The following NEFL variants were observed in gnomAD, a reference collection of about 807,000 sequenced individuals.
NEFL encodes the protein neurofilament light polypeptide.
NEFL carries 36 observed loss-of-function variants against 51.6 expected under a neutral mutation model. The observed-to-expected ratio is 0.70, with a 90% CI of 0.53 to 0.92. The LOEUF (loss-of-function observed/expected upper bound fraction) is 0.92. NEFL is among the 40% of genes least tolerant of loss of function. The pLI is 0.00. For synonymous variants in NEFL, 332 were observed against 302.5 expected, an observed-to-expected ratio of 1.10 and a Z score of -1.01; for missense variants, 671 against 722.0, an observed-to-expected ratio of 0.93 and a Z score of 0.81.
In NEFL at chr8:24,954,100, T is replaced by G; in HGVS notation, c.1169+81A>C. 6 of 1,581,912 alleles carry G rather than the reference T, an allele frequency of 3.8e-6. No homozygotes were observed. In the South Asian group the frequency reaches 5.8e-5, roughly 15 times the overall value. On this transcript the variant is annotated intron_variant, in intron 2 of 3. Transcript: ENST00000610854. ...TTCAAAAGGACTATTATTGAAGGTT[T>G]CTGATCCAACATAACTTTAAATGGG...
rs1803048212 is a variant in NEFL, at chr8:24,956,030, G to A, written c.486C>T (p.Gly162=). 1 of 1,604,058 alleles carries A rather than the reference G, an allele frequency of 6.2e-7. No homozygotes were observed. The highest frequency in any genetic ancestry group is 8.5e-7 in the Non-Finnish European group (1 of 1,178,882). ...GGGTCTCCTCCAGCCCTTCGCGCTCGCCCTGGAGCGCCTGCTTCTCGTTGG... is the reference window on the plus strand; with the variant it reads ...GGGTCTCCTCCAGCCCTTCGCGCTCACCCTGGAGCGCCTGCTTCTCGTTGG... ...DATNEKQALQ[G]EREGLEETLR... Residue 162 remains glycine (G), a synonymous_variant, in exon 1 of 4, where the codon GGC becomes GGT. Coordinates refer to ENST00000610854, the MANE Select transcript of NEFL (RefSeq NM_006158.5). The surrounding 1 kb of genome is among the most constrained non-coding windows in gnomAD (Gnocchi z 5.9).
intron 3 of NEFL, 77 bp from the exon 4 acceptor site, chr8:24,953,029 T>C: frequency 6.7e-7 from 1 of 1,487,854 alleles, no homozygotes; most frequent in Admixed American, 2.3e-5. Flanking sequence ...AAGGTTTTAT[T>C]TGCAAACACA....
chr8:24,955,419 C>T lies in NEFL; in HGVS notation c.1044+53G>A. On this transcript the variant is annotated intron_variant, in intron 1 of 3. Transcript: ENST00000610854. The surrounding 1 kb of genome is among the most constrained non-coding windows in gnomAD (Gnocchi z 4.0). ...GGTCTCCACTTTCTGGGCGCACCAA[C>T]TCCCCCCCTTGCTCGAGTCCCCCGC... The T allele has an allele frequency of 7.2e-7, 1 of 1,395,296 alleles. No homozygotes were observed. The highest frequency in any genetic ancestry group is 1.4e-5 in the South Asian group (1 of 73,874). The allele number at this position is 1,395,296 out of a possible 1,614,324, so 86.4% of individuals were successfully genotyped here.
At chr8:24,954,893 A>G (rs1803022185) in intron 1 of NEFL, among the ~76,000 whole-genome samples, 1 of 146,640 alleles carries the variant, frequency 6.8e-6, no homozygotes, top group Admixed American at 7.1e-5. Flanking sequence ...ATGTTGTAGA[A>G]GATTTTACAC....
rs574230990 is a variant in NEFL at position 24,955,964 on chromosome 8, G to A, written c.552C>T (p.Ser184=). Residue 184 remains serine (S), a synonymous_variant, in exon 1 of 4, where the codon AGC becomes AGT. Coordinates refer to ENST00000610854, the MANE Select transcript of NEFL (RefSeq NM_006158.5). This position sits in a 1 kb window ranked among gnomAD's most constrained non-coding sequence, Gnocchi z 4.0. ...TCAGCCGGCCCTCGGCGTCCTCGCG[G>A]CTCAGCACCTCCTCTTCATAGCGCG... ...LQARYEEEVL[S]REDAEGRLME... 58 of 1,602,756 alleles carry A rather than the reference G, an allele frequency of 3.6e-5. 1 individual carries two copies. The South Asian group carries it at 6.3e-4, about 17-fold the overall frequency.
At position 24,952,737 on chromosome 8, in the gene NEFL, G is replaced by T. The variant is rs907332450; in HGVS notation, c.*73C>A. The stretch of plus-strand genomic sequence containing the variant: ...TTCACATAGAATCTGGAACTCAACT[G>T]GTTGGTTGGTTGGTGATGGGGTTGA... On this transcript the variant is annotated 3_prime_UTR_variant, in exon 4 of 4. Coordinates refer to ENST00000610854, the MANE Select transcript of NEFL (RefSeq NM_006158.5). The T allele has an allele frequency of 6.2e-7, 1 of 1,605,254 alleles. No individual in the cohort carries two copies. Among genetic ancestry groups the T allele is most frequent in the Non-Finnish European group, 8.5e-7 (1 of 1,174,624 alleles).
At position 24,951,970 on chromosome 8, in the gene NEFL, A is replaced by T. The variant is rs891924180; in HGVS notation, c.*840T>A. The T allele has an allele frequency of 4.3e-4, 66 of 152,324 alleles. No individual in the cohort carries two copies. The highest frequency in any genetic ancestry group is 1.4e-3 in the African/African-American group (59 of 41,446). 9.4% of individuals were successfully genotyped at this position (152,324 alleles called of 1,614,324 possible). A position where few individuals can be genotyped will look rare whatever the true frequency, so the allele number is the denominator to read the frequency against. On this transcript the variant is annotated 3_prime_UTR_variant, in exon 4 of 4. Transcript: ENST00000610854. ...CATTGTGACATATCAGTTTGAAATG[A>T]CCTATTTATCATGGTTCCATAGTGT...
chr8:24,952,993 G>A, intron 3 of NEFL, 41 bp from the exon 4 acceptor site: 1 of 1,569,168 alleles, frequency 6.4e-7, no homozygotes, highest in Non-Finnish European at 8.6e-7. Context: ...CAAATCCAGG[G>A]TAAGTCCAGT....
Position 24,955,179 on chromosome 8 carries a change from AG to A in NEFL, c.1044+292del, listed in dbSNP as rs1251189097. On this transcript the variant is annotated intron_variant, in intron 1 of 3. Transcript: ENST00000610854. This position sits in a 1 kb window ranked among gnomAD's most constrained non-coding sequence, Gnocchi z 4.0. ...GTCAGTAGAGAGCTGATCTCACTGC[AG>A]GCCGGAGGCAACGCCCAATTCCCAC... 9 of 501,088 alleles carry A rather than the reference AG, an allele frequency of 1.8e-5. No individual in the cohort carries two copies. The East Asian group carries it at 3.0e-4, about 17-fold the overall frequency. 31.0% of individuals were successfully genotyped at this position (501,088 alleles called of 1,614,324 possible). A position where few individuals can be genotyped will look rare whatever the true frequency, so the allele number is the denominator to read the frequency against.
rs1325294849 is a variant in NEFL at position 24,954,200 on chromosome 8, T to C, written c.1150A>G (p.Ile384Val). 3 of 1,613,854 alleles carry C rather than the reference T, an allele frequency of 1.9e-6. No individual in the cohort carries two copies. The highest frequency in any genetic ancestry group is 1.3e-5 in the African/African-American group (1 of 74,940). The part of the protein sequence containing the change: ...DLLNVKMALD[I>V]EIAAYRKLLE... ...TTTCACCTGTAAGCTGCAATCTCAA[T>C]ATCCAAAGCCATCTTCACGTTGAGG... The change falls in exon 2 of 4, where the codon ATT becomes GTT. Residue 384 changes from isoleucine to valine, a missense_variant. Physicochemically the swap from Ile to Val is conservative, Grantham distance 29. Coordinates refer to ENST00000610854, the MANE Select transcript of NEFL (RefSeq NM_006158.5).
Position 24,953,671 on chromosome 8 carries a change from A to G in NEFL, c.1294T>C (p.Tyr432His), listed in dbSNP as rs1479518852. ...SAYGGLQTSS[Y>H]LMSTRSFPSY... ...GGGAAGGAGCGGGTGGACATCAGAT[A>G]GGAGCTGGTCTGTAAACCGCCGTAG... is the stretch of plus-strand genomic sequence containing the variant. Residue 432 changes from tyrosine (Y) to histidine (H), a missense_variant, in exon 3 of 4, where the codon TAT (tyrosine) becomes CAT (histidine). By Grantham distance (83) the Tyr-to-His change is moderately conservative. Coordinates refer to ENST00000610854, the MANE Select transcript of NEFL (RefSeq NM_006158.5). 6.2e-7 allele frequency: 1 copy of G among 1,613,986 alleles called. No homozygotes were observed. Among genetic ancestry groups the G allele is most frequent in the South Asian group, 1.1e-5 (1 of 91,078 alleles).
At position 24,954,061 on chromosome 8, in the gene NEFL, T is replaced by C. The variant is rs186761871; in HGVS notation, c.1169+120A>G. The C allele has an allele frequency of 4.6e-4, 680 of 1,465,352 alleles. 1 individual carries two copies. The highest frequency in any genetic ancestry group is 1.4e-3 in the Admixed American group (68 of 47,622). The allele number at this position is 1,465,352 out of a possible 1,614,324, so 90.8% of individuals were successfully genotyped here. On this transcript the variant is annotated intron_variant, in intron 2 of 3. Transcript: ENST00000610854. ...CCTCTTCTTGGAAGAAGCCAAAAAC[T>C]AACACTTCATTATTTCAAAAGGACT...
intron 2 of NEFL, among the ~76,000 whole-genome samples, 157 bp downstream of exon 2, chr8:24,954,024 A>G (rs1047724191): frequency 6.6e-6 from 1 of 152,244 alleles, no homozygotes; most frequent in Non-Finnish European, 1.5e-5. Context: ...AAATTCTTAT[A>G]TATCTAAATA....
At position 24,955,058 on chromosome 8, in the gene NEFL, C is replaced by T. The variant is rs904208797; in HGVS notation, c.1044+414G>A. Among the ~76,000 whole-genome samples the T allele has an allele frequency of 6.6e-6, 1 of 152,214 alleles. No individual in the cohort carries two copies. The highest frequency in any genetic ancestry group is 1.5e-5 in the Non-Finnish European group (1 of 68,038). On this transcript the variant is annotated intron_variant, in intron 1 of 3. Transcript: ENST00000610854. The surrounding 1 kb of genome is among the most constrained non-coding windows in gnomAD (Gnocchi z 4.0). ...AACTAGTCATAAAGCATGCTGGTCACAGTAATCCTTCAGAATTAATTGAGA... is the reference window on the plus strand; with the variant it reads ...AACTAGTCATAAAGCATGCTGGTCATAGTAATCCTTCAGAATTAATTGAGA...
chr8:24,956,320 G>A lies in NEFL; in HGVS notation c.196C>T (p.Pro66Ser), dbSNP rs1163143444. 2 of 1,610,170 alleles carry A rather than the reference G, an allele frequency of 1.2e-6. No homozygotes were observed. Among genetic ancestry groups the A allele is most frequent in the Admixed American group, 1.7e-5 (1 of 59,532 alleles). The change falls in exon 1 of 4, where the codon CCC becomes TCC. Residue 66 changes from proline to serine, a missense_variant. Pro to Ser is a moderately conservative substitution (Grantham distance 74). Transcript: ENST00000610854. This position sits in a 1 kb window ranked among gnomAD's most constrained non-coding sequence, Gnocchi z 5.9. ...CTCAGGTCGAGGTTCTCCAGACTGG[G>A]CATCAACGATCCAGAGCTGGAGGAG... ...SYSSSSGSLM[P>S]SLENLDLSQV...
rs1288608817 is a variant in NEFL at position 24,956,293 on chromosome 8, G to A, written c.223C>T (p.Gln75Ter). 6.2e-7 allele frequency: 1 copy of A among 1,610,878 alleles called. No individual in the cohort carries two copies. The highest frequency in any genetic ancestry group is 8.5e-7 in the Non-Finnish European group (1 of 1,178,792). ...AGGTCGTTGCTGATGGCGGCTACCTGGCTCAGGTCGAGGTTCTCCAGACTG... is the reference window on the plus strand; with the variant it reads ...AGGTCGTTGCTGATGGCGGCTACCTAGCTCAGGTCGAGGTTCTCCAGACTG... ...MPSLENLDLS[Q>*]VAAISNDLKS... The change falls in exon 1 of 4, where the codon CAG becomes TAG. Residue 75 changes from glutamine (Q) to a stop codon, truncating the protein, a stop_gained. Coordinates refer to ENST00000610854, the MANE Select transcript of NEFL (RefSeq NM_006158.5). LOFTEE classifies it high-confidence loss of function. This position sits in a 1 kb window ranked among gnomAD's most constrained non-coding sequence, Gnocchi z 5.9.
intron 3 of NEFL, among the ~76,000 whole-genome samples, 186 bp downstream of exon 3, chr8:24,953,290 T>G (rs1802994194): frequency 6.6e-6 from 1 of 152,192 alleles, no homozygotes; most frequent in Non-Finnish European, 1.5e-5. Flanking sequence ...AAATGAAAAT[T>G]TTGACCAATC....
In NEFL at chr8:24,955,383, G is replaced by T; in HGVS notation, c.1044+89C>A. On this transcript the variant is annotated intron_variant, in intron 1 of 3. Transcript: ENST00000610854. The surrounding 1 kb of genome is among the most constrained non-coding windows in gnomAD (Gnocchi z 4.0). The stretch of plus-strand genomic sequence containing the variant: ...CTATCCCTAAGAGCTGCGTGCAGCC[G>T]CACCACCCCTGGTCTCCACTTTCTG... The T allele has an allele frequency of 7.6e-7, 1 of 1,313,052 alleles. No homozygotes were observed. The highest frequency in any genetic ancestry group is 1.0e-6 in the Non-Finnish European group (1 of 969,930). 81.3% of individuals were successfully genotyped at this position (1,313,052 alleles called of 1,614,324 possible).
chr8:24,952,772 G>T lies in NEFL; in HGVS notation c.*38C>A. ...TTGGTGATGGGGTTGACCTGATTTC[G>T]GGAGAATTATTCCTGAAATAATTAA... On this transcript the variant is annotated 3_prime_UTR_variant, in exon 4 of 4. Transcript: ENST00000610854. 1 of 1,613,602 alleles carries T rather than the reference G, an allele frequency of 6.2e-7. No homozygotes were observed. The highest frequency in any genetic ancestry group is 1.1e-5 in the South Asian group (1 of 91,036).
Sources: gnomAD v4.1 joint callset for allele counts (sites outside exome capture counted in the v4.1 genomes callset) on GRCh38, gnomAD v4.1.1 for gene constraint, Gnocchi (gnomAD v3.1) non-coding constraint, MANE v1.5 for transcripts, NCBI Gene and HGNC (gene_info 2026-07-23, HGNC 2026-07-21) for gene names.